The following PERP variants were observed in gnomAD, a reference collection of about 807,000 sequenced individuals.
The protein encoded by PERP is p53 apoptosis effector related to PMP-22.
In PERP, 11 loss-of-function variants were observed where a neutral mutation model predicts 20.3. The ratio of observed to expected loss-of-function variants is 0.54; its 90% CI spans 0.34 to 0.90. The LOEUF (loss-of-function observed/expected upper bound fraction) is 0.90, where lower values mean the gene tolerates loss of function less well. PERP is among the 40% of genes least tolerant of loss of function. The pLI, the probability that PERP is intolerant of heterozygous loss-of-function variation, is 0.02. For missense variants in PERP, 224 were observed against 249.4 expected, an observed-to-expected ratio of 0.90 and a Z score of 0.69; for synonymous variants, 101 against 102.0, an observed-to-expected ratio of 0.99 and a Z score of 0.06.
chr6:138,092,136 A>T lies in PERP; in HGVS notation c.488T>A (p.Leu163Gln), dbSNP rs1395828642. 1 of 1,614,120 alleles carries T rather than the reference A, an allele frequency of 6.2e-7. No individual in the cohort carries two copies. Among genetic ancestry groups the T allele is most frequent in the Non-Finnish European group, 8.5e-7 (1 of 1,180,004 alleles). Residue 163 changes from leucine to glutamine, a missense_variant, in exon 3 of 3, where the codon CTG becomes CAG. Coordinates refer to ENST00000421351, the MANE Select transcript of PERP (RefSeq NM_022121.5). ...YGFGWAATIILIGCAFFFCCL... is the reference protein window; with the variant it reads ...YGFGWAATIIQIGCAFFFCCL... ...GCAGAAGAAGAAGGCACAGCCAATC[A>T]GGATAATCGTGGCTGCCCACCCAAA...
At chr6:138,096,151 T>C (rs966622141) in intron 2 of PERP, among the ~76,000 whole-genome samples, 1 of 152,094 alleles carries the variant, frequency 6.6e-6, no homozygotes, top group African/African-American at 2.4e-5. Flanking sequence ...GGATGGGGAC[T>C]ACAGAACACT....
Position 138,092,572 on chromosome 6 carries a change from G to C in PERP, c.356-304C>G, listed in dbSNP as rs74512242. 4.4e-3 allele frequency among the ~76,000 whole-genome samples: 669 copies of C among 152,222 alleles called. 2 individuals carry two copies. The highest frequency in any genetic ancestry group is 0.015 in the African/African-American group (628 of 41,544). ...ATTATATATACTAAAGCAAAAAAGT[G>C]CAAAACTGTGGCATACAATAGAAAG... is the stretch of plus-strand genomic sequence containing the variant. On this transcript the variant is annotated intron_variant, in intron 2 of 2. Transcript: ENST00000421351.
At position 138,091,811 on chromosome 6, in the gene PERP, A is replaced by G. The variant is rs567572796; in HGVS notation, c.*231T>C. On this transcript the variant is annotated 3_prime_UTR_variant, in exon 3 of 3. Coordinates refer to ENST00000421351, the MANE Select transcript of PERP (RefSeq NM_022121.5). ...TGGATAGATATAAGGAAATATTGGC[A>G]TAGTATAGGTAATTAGTGAAAAGAC... 6 of 449,364 alleles carry G rather than the reference A, an allele frequency of 1.3e-5. No homozygotes were observed. The East Asian group carries it at 2.4e-4, about 18-fold the overall frequency. 27.8% of individuals were successfully genotyped at this position (449,364 alleles called of 1,614,324 possible).
In PERP at chr6:138,089,289, C is replaced by T. The variant is rs184705134; in HGVS notation, c.*2753G>A. 1 of 150,308 alleles carries T rather than the reference C, an allele frequency of 6.7e-6. No homozygotes were observed. Among genetic ancestry groups the T allele is most frequent in the Non-Finnish European group, 1.5e-5 (1 of 67,786 alleles). 9.3% of individuals were successfully genotyped at this position (150,308 alleles called of 1,614,324 possible). A position where few individuals can be genotyped will look rare whatever the true frequency, so the allele number is the denominator to read the frequency against. On this transcript the variant is annotated 3_prime_UTR_variant, in exon 3 of 3. Transcript: ENST00000421351. ...GGAGTTTACAGAAAAAAAAAATAAA[C>T]CGAATTAAGTTATGATGACTATATT...
rs1161241160 is a variant in PERP, at chr6:138,088,649, C to G, written c.*3393G>C. 1.3e-5 allele frequency: 2 copies of G among 152,186 alleles called. No homozygotes were observed. The highest frequency in any genetic ancestry group is 2.4e-5 in the African/African-American group (1 of 41,436). 9.4% of individuals were successfully genotyped at this position (152,186 alleles called of 1,614,324 possible). ...TCCCTTTCTTGGCTTTTTCCACACC[C>G]TAGGTGGATTACACTCACCCTGACA... On this transcript the variant is annotated 3_prime_UTR_variant, in exon 3 of 3. Transcript: ENST00000421351.
rs1473248190 is a variant in PERP, at chr6:138,089,304, A to G, written c.*2738T>C. The G allele has an allele frequency of 6.6e-6, 1 of 152,092 alleles. No individual in the cohort carries two copies. Among genetic ancestry groups the G allele is most frequent in the East Asian group, 1.9e-4 (1 of 5,196 alleles). 9.4% of individuals were successfully genotyped at this position (152,092 alleles called of 1,614,324 possible). A position where few individuals can be genotyped will look rare whatever the true frequency, so the allele number is the denominator to read the frequency against. ...AAAAAATAAACCGAATTAAGTTATG[A>G]TGACTATATTTTCCATTGTTTTCAT... On this transcript the variant is annotated 3_prime_UTR_variant, in exon 3 of 3. Transcript: ENST00000421351.
chr6:138,094,867 T>C (rs957310535), intron 2 of PERP, among the ~76,000 whole-genome samples: 1 of 152,150 alleles, frequency 6.6e-6, no homozygotes, highest in African/African-American at 2.4e-5. Flanking sequence ...ATTATAGGTG[T>C]GCACCATCAA....
At chr6:138,100,383 T>C (rs1775752897) in intron 1 of PERP, among the ~76,000 whole-genome samples, 1 of 152,164 alleles carries the variant, frequency 6.6e-6, no homozygotes, top group Admixed American at 6.5e-5. Context: ...TTCTACCCTA[T>C]TTCCCGACCC....
At chr6:138,096,060 C>T (rs547419316) in intron 2 of PERP, among the ~76,000 whole-genome samples, 3 of 152,142 alleles carry the variant, frequency 2.0e-5, no homozygotes, top group African/African-American at 7.2e-5. Flanking sequence ...CTGACATAGC[C>T]TAGTTTCTCG....
chr6:138,102,505 G>T (rs931901178), intron 1 of PERP, among the ~76,000 whole-genome samples: 2 of 152,170 alleles, frequency 1.3e-5, no homozygotes, highest in Non-Finnish European at 2.9e-5. Context: ...GCAGGCTTTG[G>T]TGAAAGCTTG....
At position 138,089,281 on chromosome 6, in the gene PERP, A is replaced by AT. The variant is rs938431754; in HGVS notation, c.*2760_*2761insA. ...TTTCAGGGGGAGTTTACAGAAAAAA[A>AT]AAATAAACCGAATTAAGTTATGATG... On this transcript the variant is annotated 3_prime_UTR_variant, in exon 3 of 3. Transcript: ENST00000421351. The AT allele has an allele frequency of 2.0e-5, 3 of 151,714 alleles. No homozygotes were observed. Among genetic ancestry groups the AT allele is most frequent in the South Asian group, 2.1e-4 (1 of 4,798 alleles). The allele number at this position is 151,714 out of a possible 1,614,324, so 9.4% of individuals were successfully genotyped here.
chr6:138,098,613 G>A (rs776115687), intron 1 of PERP, among the ~76,000 whole-genome samples: 4 of 152,122 alleles, frequency 2.6e-5, no homozygotes, highest in Non-Finnish European at 4.4e-5. Context: ...ATCATCTGAT[G>A]CATTTTTCTC....
intron 1 of PERP, among the ~76,000 whole-genome samples, chr6:138,103,217 T>G (rs945941886): frequency 2.0e-5 from 3 of 152,118 alleles, no homozygotes; most frequent in Middle Eastern, 3.4e-3. Flanking sequence ...TGGCCCAATC[T>G]TGGCTCACTG....
chr6:138,102,945 A>G (rs1775794998), intron 1 of PERP, among the ~76,000 whole-genome samples: 1 of 151,604 alleles, frequency 6.6e-6, no homozygotes, highest in South Asian at 2.1e-4. Flanking sequence ...TAAAAATACA[A>G]AAAATTAGCC....
intron 2 of PERP, among the ~76,000 whole-genome samples, chr6:138,093,675 T>C (rs926345808): frequency 6.6e-6 from 1 of 152,200 alleles, no homozygotes; most frequent in Admixed American, 6.5e-5. Flanking sequence ...TTCTGGCTCA[T>C]CATATATGAA....
In PERP at chr6:138,107,178, C is replaced by T; in HGVS notation, c.163G>A (p.Gly55Ser). Reference sequence around the variant, plus strand: ...TCCTCGTAGGACCCGCTGCCGCCGCCCTCTTGGGAGCATTTCCACCACAGC... The same window carrying T: ...TCCTCGTAGGACCCGCTGCCGCCGCTCTCTTGGGAGCATTTCCACCACAGC... ...SSLWWKCSQE[G>S]GGSGSYEEGC... Residue 55 changes from glycine to serine, a missense_variant, in exon 1 of 3, where the codon GGC (glycine) becomes AGC (serine). Coordinates refer to ENST00000421351, the MANE Select transcript of PERP (RefSeq NM_022121.5). This position sits in a 1 kb window ranked among gnomAD's most constrained non-coding sequence, Gnocchi z 4.8. 6.2e-7 allele frequency: 1 copy of T among 1,611,884 alleles called. No individual in the cohort carries two copies.
rs1267635233 is a variant in PERP at position 138,107,093 on chromosome 6, G to A, written c.214+34C>T. On this transcript the variant is annotated intron_variant, in intron 1 of 2. Transcript: ENST00000421351. The surrounding 1 kb of genome is among the most constrained non-coding windows in gnomAD (Gnocchi z 4.8). ...CAGGCCGCGGCCCCGAGGGCTTCCT[G>A]GAGGCGGCGACGGCGGCGGCGGCGG... is the stretch of plus-strand genomic sequence containing the variant. 6.4e-7 allele frequency: 1 copy of A among 1,574,462 alleles called. No homozygotes were observed. The highest frequency in any genetic ancestry group is 2.3e-5 in the East Asian group (1 of 44,144).
At chr6:138,097,800 T>A (rs184790636) in intron 1 of PERP, among the ~76,000 whole-genome samples, 2 of 152,174 alleles carry the variant, frequency 1.3e-5, no homozygotes, top group East Asian at 3.9e-4. Flanking sequence ...AATTCAGTGG[T>A]TTTTACTATA....
In PERP at chr6:138,096,491, C is replaced by A. The variant is rs1256758580; in HGVS notation, c.218G>T (p.Trp73Leu). ...EGCQSLMEYAWGRAAAAMLFC... is the reference protein window; with the variant it reads ...EGCQSLMEYALGRAAAAMLFC... ...GAGCATGGCAGCCGCTGCTCTACCC[C>A]ACGCTGCAAGAAAAAAAGAAACAGC... The change falls in exon 2 of 3, where the codon TGG becomes TTG. Residue 73 changes from tryptophan (W) to leucine (L), a missense_variant. By Grantham distance (61) the Trp-to-Leu change is moderately conservative. Coordinates refer to ENST00000421351, the MANE Select transcript of PERP (RefSeq NM_022121.5). The A allele has an allele frequency of 2.5e-6, 4 of 1,606,122 alleles. No homozygotes were observed. Among genetic ancestry groups the A allele is most frequent in the East Asian group, 2.2e-5 (1 of 44,814 alleles).
Sources: gnomAD v4.1 joint callset for allele counts (sites outside exome capture counted in the v4.1 genomes callset) on GRCh38, gnomAD v4.1.1 for gene constraint, Gnocchi (gnomAD v3.1) non-coding constraint, MANE v1.5 for transcripts, NCBI Gene and HGNC (gene_info 2026-07-23, HGNC 2026-07-21) for gene names.